The following RTN1 variants were observed in gnomAD, a reference collection of about 807,000 sequenced individuals.
The protein encoded by RTN1 is reticulon 1, also known as reticulon-1.
Under a neutral mutation model 65.5 loss-of-function variants are expected in RTN1, and 25 were observed. The observed-to-expected ratio is 0.38, with a 90% confidence interval of 0.28 to 0.53. The LOEUF (loss-of-function observed/expected upper bound fraction) is 0.53, where lower values mean the gene tolerates loss of function less well. Ranked by LOEUF, RTN1 falls within the 20% of genes least tolerant of loss-of-function variation. RTN1 has a pLI of 0.79. For synonymous variants in RTN1, 471 were observed against 447.6 expected (o/e 1.05, Z -0.66); for missense variants, 983 against 1,025.4 (o/e 0.96, Z 0.57).
At chr14:59,647,547 G>C (rs1211418578) in intron 3 of RTN1, among the ~76,000 whole-genome samples, 1 of 152,150 alleles carries the variant, frequency 6.6e-6, no homozygotes, top group Non-Finnish European at 1.5e-5. Context: ...CACACAGTTG[G>C]TTATATAACA....
At chr14:59,820,238 T>G (rs1471104265) in intron 1 of RTN1, among the ~76,000 whole-genome samples, 1 of 146,048 alleles carries the variant, frequency 6.8e-6, no homozygotes, top group Non-Finnish European at 1.5e-5. Context: ...TTTAATGGGG[T>G]TTTTTTTTTT....
chr14:59,827,522 C>T (rs1356709894), intron 1 of RTN1, among the ~76,000 whole-genome samples: 1 of 152,180 alleles, frequency 6.6e-6, no homozygotes, highest in Non-Finnish European at 1.5e-5. Flanking sequence ...ACACTCTGCT[C>T]ATACCCAATC....
intron 1 of RTN1, among the ~76,000 whole-genome samples, chr14:59,806,252 A>ATAG (rs1248519170): frequency 6.6e-6 from 1 of 150,722 alleles, no homozygotes; most frequent in Non-Finnish European, 1.5e-5. Context: ...AATAATAATA[A>ATAG]TAATTATTAT....
In RTN1 at chr14:59,803,442, A is replaced by G. The variant is rs1886582362; in HGVS notation, c.242-56961T>C. The stretch of plus-strand genomic sequence containing the variant: ...GTCTCCACAGTCAAAGCAAAGAATT[A>G]GGGCAACTATCCAGATAATTCAGGC... On this transcript the variant is annotated intron_variant, in intron 1 of 8. Coordinates refer to ENST00000267484, the MANE Select transcript of RTN1 (RefSeq NM_021136.3). This position sits in a 1 kb window ranked among gnomAD's most constrained non-coding sequence, Gnocchi z 5.6. Among the ~76,000 whole-genome samples, 1 of 152,190 alleles carries G rather than the reference A, an allele frequency of 6.6e-6. No individual in the cohort carries two copies. The highest frequency in any genetic ancestry group is 1.9e-4 in the East Asian group (1 of 5,192).
At chr14:59,755,300 G>A (rs1885614894) in intron 1 of RTN1, among the ~76,000 whole-genome samples, 1 of 152,110 alleles carries the variant, frequency 6.6e-6, no homozygotes, top group Admixed American at 6.6e-5. Context: ...ATTATTGTTT[G>A]AATAGAGCCA....
chr14:59,855,556 A>G (rs1185031530), intron 1 of RTN1, among the ~76,000 whole-genome samples: 1 of 152,178 alleles, frequency 6.6e-6, no homozygotes, highest in Non-Finnish European at 1.5e-5. Flanking sequence ...TCCTTCTCAG[A>G]TAATTCTACC....
intron 1 of RTN1, among the ~76,000 whole-genome samples, chr14:59,750,998 AT>A (rs11313383): frequency 0.46 from 69,363 of 150,794 alleles, 17,815 homozygotes; most frequent in African/African-American, 0.7. Flanking sequence ...GATTACCGGC[AT>A]TGAGTCACCT....
At position 59,826,560 on chromosome 14, in the gene RTN1, A is replaced by G. The variant is rs1887035046; in HGVS notation, c.241+43830T>C. Reference sequence around the variant, plus strand: ...TCCTCCCCCTGACTTTGCATTGACTAATGGCTCCTGTGAACAAGCTATGAG... The same window carrying G: ...TCCTCCCCCTGACTTTGCATTGACTGATGGCTCCTGTGAACAAGCTATGAG... On this transcript the variant is annotated intron_variant, in intron 1 of 8. Transcript: ENST00000267484. Among the ~76,000 whole-genome samples, 4 of 152,256 alleles carry G rather than the reference A, an allele frequency of 2.6e-5. No individual in the cohort carries two copies. In the South Asian group the frequency reaches 8.3e-4, roughly 31 times the overall value.
At chr14:59,780,938 C>G (rs1477857022) in intron 1 of RTN1, among the ~76,000 whole-genome samples, 1 of 152,182 alleles carries the variant, frequency 6.6e-6, no homozygotes, top group African/African-American at 2.4e-5. Flanking sequence ...ATTCCATCTC[C>G]CCTCTCCCTA....
At chr14:59,730,846 T>C (rs1477572605) in intron 2 of RTN1, among the ~76,000 whole-genome samples, 1 of 152,182 alleles carries the variant, frequency 6.6e-6, no homozygotes, top group Admixed American at 6.5e-5. Context: ...AAAAGCCAGA[T>C]AAAAACAAGT....
chr14:59,749,408 ATCTATATATATC>A lies in RTN1; in HGVS notation c.242-2939_242-2928del, dbSNP rs1161915791. Among the ~76,000 whole-genome samples, 346 of 68,598 alleles carry A rather than the reference ATCTATATATATC, an allele frequency of 5.0e-3. 22 individuals are homozygous for A. The highest frequency in any genetic ancestry group is 0.034 in the African/African-American group (328 of 9,516). The allele number at this position is 68,598 out of a possible 152,430, so 45.0% of individuals were successfully genotyped here. ...TCTATATATATCTATATATATCTAT[ATCTATATATATC>A]TATATATCTATATATATCTATATCT... On this transcript the variant is annotated intron_variant, in intron 1 of 8. Coordinates refer to ENST00000267484, the MANE Select transcript of RTN1 (RefSeq NM_021136.3).
chr14:59,645,060 C>A (rs564038624), intron 3 of RTN1, among the ~76,000 whole-genome samples: 2 of 152,216 alleles, frequency 1.3e-5, no homozygotes, highest in South Asian at 2.1e-4. Context: ...AGTTCCCCAG[C>A]ACAGCAAAGC....
At chr14:59,833,488 G>A (rs1252847714) in intron 1 of RTN1, among the ~76,000 whole-genome samples, 1 of 152,092 alleles carries the variant, frequency 6.6e-6, no homozygotes, top group African/African-American at 2.4e-5. Flanking sequence ...GTGAAAAAGT[G>A]ACATGGTTTA....
intron 3 of RTN1, among the ~76,000 whole-genome samples, chr14:59,662,199 T>C (rs928248633): frequency 2.0e-5 from 3 of 151,980 alleles, no homozygotes; most frequent in African/African-American, 4.8e-5. Context: ...CTAGGGTACA[T>C]GTGCACAATG....
intron 1 of RTN1, among the ~76,000 whole-genome samples, chr14:59,854,682 A>C (rs1887573366): frequency 6.6e-6 from 1 of 151,682 alleles, no homozygotes; most frequent in South Asian, 2.1e-4. Flanking sequence ...TGCACAAGAA[A>C]AGCCTAAAAT....
chr14:59,657,032 A>T (rs1050131673), intron 3 of RTN1, among the ~76,000 whole-genome samples: 1 of 152,168 alleles, frequency 6.6e-6, no homozygotes, highest in Admixed American at 6.5e-5. Flanking sequence ...TAGCAAAATA[A>T]AAAACAAAAC....
intron 3 of RTN1, among the ~76,000 whole-genome samples, chr14:59,694,701 G>A (rs1409190746): frequency 1.3e-5 from 2 of 152,174 alleles, no homozygotes; most frequent in African/African-American, 2.4e-5. Context: ...TTGTTGCTAA[G>A]TTTCCAATAT....
intron 1 of RTN1, among the ~76,000 whole-genome samples, chr14:59,805,125 T>C (rs1181798672): frequency 6.6e-6 from 1 of 152,216 alleles, no homozygotes; most frequent in East Asian, 1.9e-4. Flanking sequence ...GGCTCAATGC[T>C]TTCCTTCATT....
chr14:59,815,378 G>A (rs1456780878), intron 1 of RTN1, among the ~76,000 whole-genome samples: 1 of 152,066 alleles, frequency 6.6e-6, no homozygotes, highest in African/African-American at 2.4e-5. Context: ...TCACTTCCTT[G>A]GAGCTATCAC....
Sources: gnomAD v4.1 joint callset for allele counts (sites outside exome capture counted in the v4.1 genomes callset) on GRCh38, gnomAD v4.1.1 for gene constraint, Gnocchi (gnomAD v3.1) non-coding constraint, MANE v1.5 for transcripts, NCBI Gene and HGNC (gene_info 2026-07-23, HGNC 2026-07-21) for gene names.